FHIP2A: variants seen among roughly 807,000 people sequenced by gnomAD.
FHIP2A encodes the protein FHF complex subunit HOOK interacting protein 2A.
FHIP2A carries 46 observed loss-of-function variants against 93.5 expected under a neutral mutation model. The ratio of observed to expected loss-of-function variants is 0.49; its 90% CI spans 0.39 to 0.63. The LOEUF (loss-of-function observed/expected upper bound fraction) is 0.63, where lower values mean the gene tolerates loss of function less well. FHIP2A is among the 20% of genes least tolerant of loss of function. The probability of loss-of-function intolerance (pLI) is 0.00; values close to 1 mark genes in which losing one functional copy is unlikely to be tolerated. For missense variants in FHIP2A, 769 were observed against 909.7 expected (o/e 0.85, Z 1.99); for synonymous variants, 332 against 326.5 (o/e 1.02, Z -0.18).
chr10:114,828,870 A>G (rs1349373544), intron 1 of FHIP2A, among the ~76,000 whole-genome samples: 1 of 152,200 alleles, frequency 6.6e-6, no homozygotes, highest in Non-Finnish European at 1.5e-5. Flanking sequence ...AGTGGAAGAT[A>G]CTGATAATTG....
intron 16 of FHIP2A, among the ~76,000 whole-genome samples, chr10:114,884,301 C>A (rs2083931096): frequency 6.6e-6 from 1 of 152,144 alleles, no homozygotes; most frequent in Non-Finnish European, 1.5e-5. Context: ...TAGGCATCTG[C>A]TATTTAGACT....
At position 114,847,140 on chromosome 10, in the gene FHIP2A, T is replaced by C. The variant is rs2083706294; in HGVS notation, c.1619T>C (p.Leu540Ser). The C allele has an allele frequency of 1.2e-6, 2 of 1,613,472 alleles. No individual in the cohort carries two copies. Among genetic ancestry groups the C allele is most frequent in the Non-Finnish European group, 1.7e-6 (2 of 1,179,524 alleles). The change falls in exon 12 of 17, where the codon TTG becomes TCG. Residue 540 changes from leucine to serine, a missense_variant. Coordinates refer to ENST00000369248, the MANE Select transcript of FHIP2A (RefSeq NM_020940.4). ...LFTDISPENT[L>S]PNQEWLSSSP... The stretch of plus-strand genomic sequence containing the variant: ...ACTGACATTTCACCAGAAAACACTT[T>C]GCCAAACCAAGAGTGGCTTAGTTCT...
Position 114,860,422 on chromosome 10 carries a change from G to A in FHIP2A, c.1948-327G>A, listed in dbSNP as rs1043509413. On this transcript the variant is annotated intron_variant, in intron 14 of 16. Coordinates refer to ENST00000369248, the MANE Select transcript of FHIP2A (RefSeq NM_020940.4). ...GGCTGGAGTGCAGTGGCGTGATCTC[G>A]GCCCACTGCAACCTCCACCTCCTGG... Among the ~76,000 whole-genome samples the A allele has an allele frequency of 3.3e-5, 5 of 151,838 alleles. No individual in the cohort carries two copies. The South Asian group carries it at 1.0e-3, about 32-fold the overall frequency.
At position 114,863,151 on chromosome 10, in the gene FHIP2A, A is replaced by G. The variant is rs2083810323; in HGVS notation, c.*1611A>G. 3 of 978,358 alleles carry G rather than the reference A, an allele frequency of 3.1e-6. No homozygotes were observed. The highest frequency in any genetic ancestry group is 2.4e-6 in the Non-Finnish European group (2 of 823,536). The allele number at this position is 978,358 out of a possible 1,614,324, so 60.6% of individuals were successfully genotyped here. A position where few individuals can be genotyped will look rare whatever the true frequency, so the allele number is the denominator to read the frequency against. On this transcript the variant is annotated 3_prime_UTR_variant, in exon 17 of 17. Transcript: ENST00000369248. Reference sequence around the variant, plus strand: ...TTTGTTAGCTTATTCTAAGAAATTTATTAAGTAAAACAAAGAAAAAACAGA... The same window carrying G: ...TTTGTTAGCTTATTCTAAGAAATTTGTTAAGTAAAACAAAGAAAAAACAGA...
chr10:114,876,142 CCT>C (rs1566384556), intron 16 of FHIP2A, among the ~76,000 whole-genome samples: 4 of 152,182 alleles, frequency 2.6e-5, no homozygotes, highest in Admixed American at 2.0e-4. Context: ...CTGACTCCCC[CCT>C]GTCTGGTGGC....
At chr10:114,889,513 A>G (rs2083960006) in intron 16 of FHIP2A, among the ~76,000 whole-genome samples, 1 of 152,144 alleles carries the variant, frequency 6.6e-6, no homozygotes, top group Admixed American at 6.5e-5. Flanking sequence ...AGTTATCTCC[A>G]TAGCCCCTTG....
intron 14 of FHIP2A, among the ~76,000 whole-genome samples, chr10:114,859,158 T>G (rs1260685133): frequency 3.3e-5 from 5 of 152,206 alleles, no homozygotes; most frequent in Non-Finnish European, 7.3e-5. Context: ...TGGAGCAGTT[T>G]TTAATTCTTT....
chr10:114,830,537 G>T (rs1277171875), intron 1 of FHIP2A, among the ~76,000 whole-genome samples: 2 of 151,996 alleles, frequency 1.3e-5, no homozygotes, highest in Non-Finnish European at 2.9e-5. Context: ...CTCCCAGAGT[G>T]CTGGGATTAG....
intron 13 of FHIP2A, among the ~76,000 whole-genome samples, chr10:114,851,266 T>C (rs994224474): frequency 2.6e-5 from 4 of 152,164 alleles, no homozygotes; most frequent in African/African-American, 9.7e-5. Flanking sequence ...CTTCATGCTT[T>C]TTGTGCCGTA....
intron 1 of FHIP2A, among the ~76,000 whole-genome samples, chr10:114,822,604 G>C (rs1463044953): frequency 1.3e-5 from 2 of 152,230 alleles, no homozygotes; most frequent in Non-Finnish European, 2.9e-5. Flanking sequence ...TTTGGTTTTC[G>C]GGGGTAGAGG....
chr10:114,882,100 T>G (rs967450527), intron 16 of FHIP2A, among the ~76,000 whole-genome samples: 1 of 152,242 alleles, frequency 6.6e-6, no homozygotes, highest in African/African-American at 2.4e-5. Flanking sequence ...TGTGCCGCTG[T>G]GAGCATAAGT....
intron 16 of FHIP2A, among the ~76,000 whole-genome samples, chr10:114,894,817 AG>A (rs943669094): frequency 9.9e-5 from 15 of 152,194 alleles, no homozygotes; most frequent in Admixed American, 9.2e-4. Context: ...AACGACCTAG[AG>A]TGTGTAGTAG....
At position 114,847,179 on chromosome 10, in the gene FHIP2A, C is replaced by T; in HGVS notation, c.1658C>T (p.Thr553Ile). ...TGGCTTAGTTCTTCACCTCCTGCTA[C>T]TCCAGACCACCCCAAAAATGATGGA... ...QEWLSSSPPA[T>I]PDHPKNDGKT... Residue 553 changes from threonine to isoleucine, a missense_variant, in exon 12 of 17, where the codon ACT becomes ATT. Transcript: ENST00000369248. 6.2e-7 allele frequency: 1 copy of T among 1,613,704 alleles called. No homozygotes were observed. Among genetic ancestry groups the T allele is most frequent in the Non-Finnish European group, 8.5e-7 (1 of 1,179,776 alleles).
rs1480705150 is a variant in FHIP2A at position 114,864,114 on chromosome 10, G to GTA, written c.*2580_*2581dup. On this transcript the variant is annotated 3_prime_UTR_variant, in exon 17 of 17. Transcript: ENST00000369248. ...TGTACATTATTGTGTGTGTATATAT[G>GTA]TATATATGTATATATATAAGGACCA... 2 of 967,826 alleles carry GTA rather than the reference G, an allele frequency of 2.1e-6. No homozygotes were observed. Among genetic ancestry groups the GTA allele is most frequent in the Non-Finnish European group, 2.5e-6 (2 of 813,608 alleles). 60.0% of individuals were successfully genotyped at this position (967,826 alleles called of 1,614,324 possible).
In FHIP2A at chr10:114,894,790, A is replaced by T. The variant is rs540581875; in HGVS notation, c.2193-4700A>T. ...GACTATGAGTAATGGTCTATAAAATACAACAAAAAAACTGGGAACGACCTA... is the reference window on the plus strand; with the variant it reads ...GACTATGAGTAATGGTCTATAAAATTCAACAAAAAAACTGGGAACGACCTA... On this transcript the variant is annotated intron_variant, in intron 16 of 16. Transcript: ENST00000369250. Among the ~76,000 whole-genome samples, 13 of 135,936 alleles carry T rather than the reference A, an allele frequency of 9.6e-5. No individual in the cohort carries two copies. The East Asian group carries it at 2.1e-3, about 22-fold the overall frequency. The allele number at this position is 135,936 out of a possible 152,430, so 89.2% of individuals were successfully genotyped here.
intron 1 of FHIP2A, among the ~76,000 whole-genome samples, chr10:114,827,025 TTGA>T (rs2083580747): frequency 6.6e-6 from 1 of 152,130 alleles, no homozygotes; most frequent in Non-Finnish European, 1.5e-5. Context: ...GAGTGGAATG[TTGA>T]TGATACATGA....
intron 16 of FHIP2A, among the ~76,000 whole-genome samples, chr10:114,874,610 C>T (rs2083874955): frequency 6.6e-6 from 1 of 152,198 alleles, no homozygotes; most frequent in Admixed American, 6.5e-5. Context: ...TCAAGCGATT[C>T]TTCTGTCTCT....
chr10:114,840,680 C>T (rs564139798), intron 5 of FHIP2A, among the ~76,000 whole-genome samples: 2 of 152,230 alleles, frequency 1.3e-5, no homozygotes, highest in South Asian at 4.2e-4. Flanking sequence ...TGTAACTGCT[C>T]AGATGCAGAA....
At chr10:114,886,533 A>AT (rs1023212769) in intron 16 of FHIP2A, among the ~76,000 whole-genome samples, 1 of 151,832 alleles carries the variant, frequency 6.6e-6, no homozygotes, top group Non-Finnish European at 1.5e-5. Flanking sequence ...CTATTTTGCT[A>AT]TTTTTGTGTT....
Sources: allele counts gnomAD v4.1 joint callset (sites outside exome capture counted in the v4.1 genomes callset), GRCh38; gene constraint gnomAD v4.1.1; transcripts MANE v1.5; gene names NCBI Gene and HGNC (gene_info 2026-07-23, HGNC 2026-07-21).